SORCS2: variants seen among roughly 807,000 people sequenced by gnomAD.
SORCS2 encodes sortilin related VPS10 domain containing receptor 2, also known as VPS10 domain-containing receptor SorCS2.
A neutral mutation model predicts 141.6 loss-of-function variants in SORCS2; 100 were observed. That is an observed-to-expected ratio of 0.71 (90% CI 0.60 to 0.83). The LOEUF (loss-of-function observed/expected upper bound fraction) is 0.83. Ranked by LOEUF, SORCS2 falls within the 40% of genes least tolerant of loss-of-function variation. SORCS2 has a pLI of 0.00. For synonymous variants in SORCS2, 789 were observed against 676.9 expected (o/e 1.17, Z -2.57); for missense variants, 1,646 against 1,560.2 (o/e 1.05, Z -0.93).
chr4:7,681,531 G>A (rs112566302), intron 9 of SORCS2, among the ~76,000 whole-genome samples: 2,132 of 152,372 alleles, frequency 0.014, 48 homozygotes, highest in African/African-American at 0.045. Flanking sequence ...AGAAAGGAAT[G>A]CGATTCCACT....
At chr4:7,590,041 G>A (rs191670915) in intron 3 of SORCS2, among the ~76,000 whole-genome samples, 82 of 152,276 alleles carry the variant, frequency 5.4e-4, no homozygotes, top group African/African-American at 1.3e-3. Flanking sequence ...AAAGACAGCC[G>A]AGAAGGGGAA....
intron 2 of SORCS2, among the ~76,000 whole-genome samples, chr4:7,498,815 G>A (rs1731787988): frequency 6.6e-6 from 1 of 152,230 alleles, no homozygotes; most frequent in Non-Finnish European, 1.5e-5. Flanking sequence ...CCCTCCCTCT[G>A]CGGGTGTCCA....
Position 7,651,180 on chromosome 4 carries a change from CAG to C in SORCS2, c.814-2951_814-2950del, listed in dbSNP as rs557554851. Among the ~76,000 whole-genome samples, 979 of 152,270 alleles carry C rather than the reference CAG, an allele frequency of 6.4e-3. 9 individuals carry two copies. The highest frequency in any genetic ancestry group is 0.022 in the African/African-American group (908 of 41,542). On this transcript the variant is annotated intron_variant, in intron 4 of 26. Transcript: ENST00000507866. ...CAGAGGAGAGGCAAGGGAAAAGGGACAGAGTCTCCTGTTGTCCAGGATGGGGA... is the reference window on the plus strand; with the variant it reads ...CAGAGGAGAGGCAAGGGAAAAGGGACAGTCTCCTGTTGTCCAGGATGGGGA...
intron 1 of SORCS2, among the ~76,000 whole-genome samples, chr4:7,208,373 T>C (rs1727867625): frequency 6.6e-6 from 1 of 152,138 alleles, no homozygotes. Context: ...CTGAAGACTT[T>C]GGGGATTACT....
intron 13 of SORCS2, 148 bp downstream of exon 13, chr4:7,703,519 G>T: frequency 3.1e-6 from 2 of 653,254 alleles, no homozygotes; most frequent in East Asian, 2.9e-5. Flanking sequence ...AAAGACCGGG[G>T]CTGGGACACA....
At chr4:7,690,465 G>A (rs1724166645) in intron 11 of SORCS2, among the ~76,000 whole-genome samples, 1 of 151,672 alleles carries the variant, frequency 6.6e-6, no homozygotes, top group African/African-American at 2.4e-5. Flanking sequence ...TGGATGAATG[G>A]ATGAGTGGGT....
intron 7 of SORCS2, among the ~76,000 whole-genome samples, chr4:7,665,930 C>T (rs1722475404): frequency 6.6e-6 from 1 of 152,174 alleles, no homozygotes; most frequent in African/African-American, 2.4e-5. Flanking sequence ...CAAGAGGGAA[C>T]ACATGCCCTG....
chr4:7,712,665 G>C lies in SORCS2; in HGVS notation c.1869-68G>C, dbSNP rs1725901523. On this transcript the variant is annotated intron_variant, in intron 14 of 26. Coordinates refer to ENST00000507866, the MANE Select transcript of SORCS2 (RefSeq NM_020777.3). ...TAGGAACAGAGTCCAGAGGGGACAT[G>C]ATTTGCACAGTAGGACAAGGCCTAA... 6.9e-6 allele frequency: 11 copies of C among 1,602,524 alleles called. No individual in the cohort carries two copies. The South Asian group carries it at 1.2e-4, about 18-fold the overall frequency.
intron 1 of SORCS2, among the ~76,000 whole-genome samples, chr4:7,309,742 C>T (rs73208451): frequency 0.19 from 29,241 of 152,078 alleles, 3,451 homozygotes; most frequent in Middle Eastern, 0.27. Flanking sequence ...TGGGCGGGGA[C>T]GAGAGTTGGC....
intron 3 of SORCS2, among the ~76,000 whole-genome samples, chr4:7,624,043 G>A (rs1719372418): frequency 6.6e-6 from 1 of 152,202 alleles, no homozygotes; most frequent in South Asian, 2.1e-4. Flanking sequence ...CTTCATCAGA[G>A]GGTGGTTGAA....
chr4:7,726,841 T>C lies in SORCS2; in HGVS notation c.2807T>C (p.Val936Ala). ...TTTTCGGACACGGGCGACGTGCGTGTGACGGTGCAGGCCGCCTGTGGGAAC... is the reference window on the plus strand; with the variant it reads ...TTTTCGGACACGGGCGACGTGCGTGCGACGGTGCAGGCCGCCTGTGGGAAC... ...TRFSDTGDVR[V>A]TVQAACGNSV... Residue 936 changes from valine (V) to alanine (A), a missense_variant, in exon 21 of 27, where the codon GTG (valine) becomes GCG (alanine). Physicochemically the swap from Val to Ala is moderately conservative, Grantham distance 64 (BLOSUM62 0). Transcript: ENST00000507866. The C allele has an allele frequency of 6.2e-7, 1 of 1,613,888 alleles. No individual in the cohort carries two copies. The highest frequency in any genetic ancestry group is 8.5e-7 in the Non-Finnish European group (1 of 1,179,856).
chr4:7,209,975 C>G (rs1283548464), intron 1 of SORCS2, among the ~76,000 whole-genome samples: 1 of 152,224 alleles, frequency 6.6e-6, no homozygotes, highest in African/African-American at 2.4e-5. Context: ...TGGTCCATGT[C>G]CTGGTGAGGT....
intron 1 of SORCS2, among the ~76,000 whole-genome samples, chr4:7,234,216 T>A (rs1256851634): frequency 6.6e-6 from 1 of 152,222 alleles, no homozygotes; most frequent in Non-Finnish European, 1.5e-5. Flanking sequence ...GATTTCGAGA[T>A]GTGCTGGGTC....
At chr4:7,276,582 C>G (rs753360791) in intron 1 of SORCS2, among the ~76,000 whole-genome samples, 1 of 152,152 alleles carries the variant, frequency 6.6e-6, no homozygotes, top group Admixed American at 6.5e-5. Context: ...GCTCCAGGCC[C>G]CGGGAAACGC....
At chr4:7,718,643 G>T (rs1726364258) in intron 18 of SORCS2, among the ~76,000 whole-genome samples, 1 of 152,218 alleles carries the variant, frequency 6.6e-6, no homozygotes. Context: ...TCCTGTGTGT[G>T]CATGGACAGA....
intron 1 of SORCS2, among the ~76,000 whole-genome samples, chr4:7,315,422 C>T (rs1230656140): frequency 6.6e-6 from 1 of 152,238 alleles, no homozygotes; most frequent in Non-Finnish European, 1.5e-5. Flanking sequence ...GGCAGCATGG[C>T]CTGAATCAAT....
chr4:7,400,689 AGATGGATGGATGAATG>A (rs766340622), intron 2 of SORCS2, among the ~76,000 whole-genome samples: 43 of 151,390 alleles, frequency 2.8e-4, no homozygotes, highest in South Asian at 8.4e-4. Flanking sequence ...ATGGCTTGAC[AGATGGATGGATGAATG>A]GATGGATGGA....
intron 5 of SORCS2, among the ~76,000 whole-genome samples, chr4:7,656,454 C>T (rs1011215454): frequency 3.9e-5 from 6 of 152,234 alleles, no homozygotes; most frequent in African/African-American, 1.2e-4. Context: ...GCAGCCCATG[C>T]GGGTCTCCCT....
intron 3 of SORCS2, among the ~76,000 whole-genome samples, chr4:7,624,585 C>G (rs1388352631): frequency 3.3e-5 from 5 of 152,248 alleles, no homozygotes; most frequent in African/African-American, 1.2e-4. Context: ...GCTGCCAGCA[C>G]TGCTGTTGAA....
Sources: allele counts gnomAD v4.1 joint callset (sites outside exome capture counted in the v4.1 genomes callset), GRCh38; gene constraint gnomAD v4.1.1; transcripts MANE v1.5; gene names NCBI Gene and HGNC (gene_info 2026-07-23, HGNC 2026-07-21).